RAN: variants seen among roughly 807,000 people sequenced by gnomAD.
RAN encodes the protein RAN, member RAS oncogene family, also known as GTP-binding nuclear protein Ran.
RAN carries 2 observed loss-of-function variants against 26.8 expected under a neutral mutation model. The observed-to-expected ratio is 0.07, with a 90% CI of 0.03 to 0.23. The LOEUF is 0.23. Among genes scored for constraint, RAN ranks in the 10% least tolerant of loss-of-function variants. The pLI is 1.00. For missense variants in RAN, 56 were observed against 264.8 expected, an observed-to-expected ratio of 0.21 and a Z score of 5.47; for synonymous variants, 132 against 95.9, an observed-to-expected ratio of 1.38 and a Z score of -2.20.
At position 130,872,822 on chromosome 12, in the gene RAN, G is replaced by A; in HGVS notation, c.37-14G>A. The A allele has an allele frequency of 6.2e-7, 1 of 1,614,004 alleles. No individual in the cohort carries two copies. Among genetic ancestry groups the A allele is most frequent in the Non-Finnish European group, 8.5e-7 (1 of 1,179,830 alleles). On this transcript the variant is annotated splice_polypyrimidine_tract_variant and intron_variant, in intron 2 of 6. Transcript: ENST00000543796. Reference sequence around the variant, plus strand: ...AGTGTTTAGGGTTTACTTCCAAAATGTGTTTTTCAACAGCTTGTATTGGTT... The same window carrying A: ...AGTGTTTAGGGTTTACTTCCAAAATATGTTTTTCAACAGCTTGTATTGGTT...
In RAN at chr12:130,877,587, C is replaced by T. The variant is rs547640958; in HGVS notation, c.*1661C>T. 2 of 152,340 alleles carry T rather than the reference C, an allele frequency of 1.3e-5. No individual in the cohort carries two copies. Among genetic ancestry groups the T allele is most frequent in the Admixed American group, 6.5e-5 (1 of 15,300 alleles). The allele number at this position is 152,340 out of a possible 1,614,324, so 9.4% of individuals were successfully genotyped here. A position where few individuals can be genotyped will look rare whatever the true frequency, so the allele number is the denominator to read the frequency against. ...CAGTTGAAATTTGGAAGTGACGTCA[C>T]TTACCTGTCTAACGTGGTGTGGGAG... On this transcript the variant is annotated 3_prime_UTR_variant, in exon 7 of 7. Coordinates refer to ENST00000543796, the MANE Select transcript of RAN (RefSeq NM_006325.5).
rs1420463624 is a variant in RAN, at chr12:130,874,560, A to G, written c.262A>G (p.Ile88Val). 3 of 1,589,674 alleles carry G rather than the reference A, an allele frequency of 1.9e-6. No individual in the cohort carries two copies. The highest frequency in any genetic ancestry group is 2.6e-6 in the Non-Finnish European group (3 of 1,160,442). Residue 88 changes from isoleucine (I) to valine (V), a missense_variant, in exon 5 of 7, where the codon ATA (isoleucine) becomes GTA (valine). Transcript: ENST00000543796. ...GYYIQAQCAI[I>V]MFDVTSRVTY... ...TGTTTCTTCAGCCCAGTGTGCCATCATAATGTTTGATGTAACATCGAGAGT... is the reference window on the plus strand; with the variant it reads ...TGTTTCTTCAGCCCAGTGTGCCATCGTAATGTTTGATGTAACATCGAGAGT...
intron 2 of RAN, 101 bp downstream of exon 2, chr12:130,872,730 C>T (rs1953162619): frequency 6.4e-7 from 1 of 1,565,582 alleles, no homozygotes; most frequent in Admixed American, 1.7e-5. Flanking sequence ...GCCCCGCATC[C>T]ACATTCTTTG....
In RAN at chr12:130,876,171, TAA is replaced by T. The variant is rs1247562417; in HGVS notation, c.*246_*247del. On this transcript the variant is annotated 3_prime_UTR_variant, in exon 7 of 7. Transcript: ENST00000543796. ...CAGTTGATTCCTTGAGTTTCATATA[TAA>T]GACTGCTGCAGTCACATCACAATAT... 40 of 546,646 alleles carry T rather than the reference TAA, an allele frequency of 7.3e-5. No individual in the cohort carries two copies. Among genetic ancestry groups the T allele is most frequent in the African/African-American group, 6.6e-4 (35 of 52,952 alleles). 33.9% of individuals were successfully genotyped at this position (546,646 alleles called of 1,614,324 possible).
At chr12:130,874,874 G>C (rs1695032603) in intron 5 of RAN, 141 bp downstream of exon 5, 1 of 745,824 alleles carries the variant, frequency 1.3e-6, no homozygotes, top group Non-Finnish European at 2.1e-6. Context: ...CCATGCTGGA[G>C]TGCAGTGTCG....
intron 4 of RAN, chr12:130,873,977 A>G (rs1953190211): frequency 2.7e-6 from 1 of 373,176 alleles, no homozygotes; most frequent in Non-Finnish European, 5.5e-6. Context: ...CATCCTGAGT[A>G]GCTTGGACTA....
chr12:130,872,727 A>G (rs895003801), intron 2 of RAN, 98 bp downstream of exon 2: 4 of 1,558,438 alleles, frequency 2.6e-6, no homozygotes, highest in Non-Finnish European at 3.5e-6. Flanking sequence ...GGGGCCCCGC[A>G]TCCACATTCT....
chr12:130,873,527 C>T (rs1953180265), intron 4 of RAN: 2 of 192,750 alleles, frequency 1.0e-5, no homozygotes, highest in South Asian at 8.5e-5. Context: ...GATAGGAGAT[C>T]TTAACAAGTG....
Position 130,874,762 on chromosome 12 carries a change from T to G in RAN, c.435+29T>G, listed in dbSNP as rs370424451. The G allele has an allele frequency of 1.2e-5, 18 of 1,560,434 alleles. No individual in the cohort carries two copies. In the East Asian group the frequency reaches 4.0e-4, roughly 35 times the overall value. ...TGTAAAATTAAAACTTCCTGAGTTA[T>G]TTCTCTTAGCGGAGATTATATGTAA... is the stretch of plus-strand genomic sequence containing the variant. On this transcript the variant is annotated intron_variant, in intron 5 of 6. Coordinates refer to ENST00000543796, the MANE Select transcript of RAN (RefSeq NM_006325.5).
At chr12:130,874,474 A>T in intron 4 of RAN, 72 bp from the exon 5 acceptor site, 2 of 1,249,370 alleles carry the variant, frequency 1.6e-6, no homozygotes, top group Non-Finnish European at 2.3e-6. Context: ...GTTGAATCCT[A>T]GTCTCTGGTT....
At chr12:130,872,341 C>G (rs1484015795) in intron 1 of RAN, 1 of 157,166 alleles carries the variant, frequency 6.4e-6, no homozygotes, top group Non-Finnish European at 1.4e-5. Flanking sequence ...ATCCTCCGCT[C>G]TCATCCCCGT....
intron 4 of RAN, chr12:130,873,451 T>C: frequency 4.7e-5 from 14 of 297,884 alleles, no homozygotes; most frequent in South Asian, 4.3e-4. Context: ...TGTATTTTGG[T>C]GTGGTGATCA....
intron 4 of RAN, 108 bp downstream of exon 4, chr12:130,873,236 TAAAA>T (rs1469833292): frequency 3.4e-6 from 5 of 1,461,708 alleles, no homozygotes; most frequent in African/African-American, 1.4e-5. Context: ...ATTTTTGGGT[TAAAA>T]AAAGACAAGT....
rs758978272 is a variant in RAN, at chr12:130,875,597, C to A, written c.436-15C>A. ...AATGAATTTTAAAAAGTAATTTTAC[C>A]TTTCTTTTAAACAGTACTACGACAT... is the stretch of plus-strand genomic sequence containing the variant. On this transcript the variant is annotated splice_polypyrimidine_tract_variant and intron_variant, in intron 5 of 6. Transcript: ENST00000543796. 3 of 1,538,386 alleles carry A rather than the reference C, an allele frequency of 2.0e-6. No homozygotes were observed. The highest frequency in any genetic ancestry group is 2.3e-5 in the East Asian group (1 of 44,066).
chr12:130,872,805 G>A, intron 2 of RAN, 31 bp from the exon 3 acceptor site: 1 of 1,610,634 alleles, frequency 6.2e-7, no homozygotes, highest in Non-Finnish European at 8.5e-7. Flanking sequence ...GAAGTGTTTA[G>A]GGTTTACTTC....
rs1219658280 is a variant in RAN, at chr12:130,876,802, T to C, written c.*876T>C. ...TTGTTTGAATGTTAGATGCTTAGTG[T>C]GAAGTTGATACGCAAGGAAAATGGT... is the stretch of plus-strand genomic sequence containing the variant. On this transcript the variant is annotated 3_prime_UTR_variant, in exon 7 of 7. Transcript: ENST00000543796. 1 of 152,242 alleles carries C rather than the reference T, an allele frequency of 6.6e-6. No homozygotes were observed. The highest frequency in any genetic ancestry group is 1.5e-5 in the Non-Finnish European group (1 of 68,036). 9.4% of individuals were successfully genotyped at this position (152,242 alleles called of 1,614,324 possible).
chr12:130,872,477 G>C lies in RAN; in HGVS notation c.-10-107G>C, dbSNP rs1196551585. 4.1e-6 allele frequency: 3 copies of C among 725,218 alleles called. No individual in the cohort carries two copies. The Admixed American group carries it at 1.5e-4, about 35-fold the overall frequency. 44.9% of individuals were successfully genotyped at this position (725,218 alleles called of 1,614,324 possible). The stretch of plus-strand genomic sequence containing the variant: ...GCCTGGCCGCCATGGCGCCGCGGGC[G>C]GGAGGCCTTTGTGGGGCGGGCACGT... On this transcript the variant is annotated intron_variant, in intron 1 of 6. Coordinates refer to ENST00000543796, the MANE Select transcript of RAN (RefSeq NM_006325.5).
Position 130,874,781 on chromosome 12 carries a change from T to C in RAN, c.435+48T>C, listed in dbSNP as rs533101994. The C allele has an allele frequency of 3.2e-4, 462 of 1,453,978 alleles. 1 individual carries two copies. The South Asian group carries it at 5.1e-3, about 16-fold the overall frequency. 90.1% of individuals were successfully genotyped at this position (1,453,978 alleles called of 1,614,324 possible). ...GAGTTATTTCTCTTAGCGGAGATTATATGTAAGACCATGAAATTAACCAGT... is the reference window on the plus strand; with the variant it reads ...GAGTTATTTCTCTTAGCGGAGATTACATGTAAGACCATGAAATTAACCAGT... On this transcript the variant is annotated intron_variant, in intron 5 of 6. Transcript: ENST00000543796.
In RAN at chr12:130,875,617, C is replaced by T. The variant is rs373832485; in HGVS notation, c.441C>T (p.Tyr147=). The T allele has an allele frequency of 5.4e-5, 86 of 1,601,860 alleles. 1 individual carries two copies. The highest frequency in any genetic ancestry group is 3.5e-4 in the South Asian group (31 of 89,044). Residue 147 remains tyrosine (Y), a synonymous_variant, in exon 6 of 7, where the codon TAC becomes TAT. Transcript: ENST00000543796. ...TTTACCTTTCTTTTAAACAGTACTA[C>T]GACATTTCTGCCAAAAGTAACTACA... The part of the protein sequence containing the change: ...VFHRKKNLQY[Y]DISAKSNYNF...
Sources: allele counts gnomAD v4.1 joint callset, GRCh38; gene constraint gnomAD v4.1.1; transcripts MANE v1.5; gene names NCBI Gene and HGNC (gene_info 2026-07-23, HGNC 2026-07-21).